HS6ST3: variants seen among roughly 807,000 people sequenced by gnomAD.
HS6ST3 encodes the protein heparan sulfate 6-O-sulfotransferase 3, also known as heparan-sulfate 6-O-sulfotransferase 3.
Under a neutral mutation model 36.7 loss-of-function variants are expected in HS6ST3, and 12 were observed. The observed-to-expected ratio is 0.33, with a 90% CI of 0.21 to 0.53. The LOEUF (loss-of-function observed/expected upper bound fraction) is 0.53, where lower values mean the gene tolerates loss of function less well. Ranked by LOEUF, HS6ST3 falls within the 20% of genes least tolerant of loss-of-function variation. HS6ST3 has a pLI of 0.95. For missense variants in HS6ST3, 584 were observed against 640.9 expected, an observed-to-expected ratio of 0.91 and a Z score of 0.96; for synonymous variants, 240 against 257.5, an observed-to-expected ratio of 0.93 and a Z score of 0.65.
At chr13:96,338,613 C>T (rs1330491767) in intron 1 of HS6ST3, among the ~76,000 whole-genome samples, 1 of 152,142 alleles carries the variant, frequency 6.6e-6, no homozygotes, top group Non-Finnish European at 1.5e-5. Flanking sequence ...CAGAGACTCC[C>T]GGTGCCTCGA....
At chr13:96,733,417 T>C (rs1354482870) in intron 1 of HS6ST3, among the ~76,000 whole-genome samples, 3 of 152,196 alleles carry the variant, frequency 2.0e-5, no homozygotes, top group Non-Finnish European at 4.4e-5. Flanking sequence ...CATTGTGCTA[T>C]TGTGCTGTAT....
At chr13:96,338,550 C>T (rs2055113560) in intron 1 of HS6ST3, among the ~76,000 whole-genome samples, 1 of 152,198 alleles carries the variant, frequency 6.6e-6, no homozygotes, top group African/African-American at 2.4e-5. Context: ...CTCAGTGCTT[C>T]TTTCAACAGA....
At chr13:96,501,249 G>A (rs1417899979) in intron 1 of HS6ST3, among the ~76,000 whole-genome samples, 6 of 152,136 alleles carry the variant, frequency 3.9e-5, no homozygotes, top group Non-Finnish European at 7.3e-5. Flanking sequence ...GACAGAAGGG[G>A]TGTCAATTCT....
intron 1 of HS6ST3, among the ~76,000 whole-genome samples, chr13:96,711,302 A>T (rs1566435807): frequency 6.6e-6 from 1 of 152,222 alleles, no homozygotes; most frequent in Non-Finnish European, 1.5e-5. Flanking sequence ...CAGCAGTCAT[A>T]GAACTATTTG....
intron 1 of HS6ST3, among the ~76,000 whole-genome samples, chr13:96,448,738 T>A (rs910398869): frequency 6.6e-6 from 1 of 152,008 alleles, no homozygotes; most frequent in African/African-American, 2.4e-5. Flanking sequence ...ACCTAATGTC[T>A]CTCTAACAAA....
intron 1 of HS6ST3, among the ~76,000 whole-genome samples, chr13:96,201,000 G>T (rs2054339232): frequency 6.6e-6 from 1 of 152,120 alleles, no homozygotes; most frequent in Non-Finnish European, 1.5e-5. Flanking sequence ...ATGGTATTCT[G>T]CCTGGTTATC....
intron 1 of HS6ST3, among the ~76,000 whole-genome samples, chr13:96,431,941 A>G (rs950723387): frequency 2.6e-5 from 4 of 152,168 alleles, no homozygotes; most frequent in Non-Finnish European, 4.4e-5. Flanking sequence ...GGTCAGCACT[A>G]AAGGTACATT....
At chr13:96,353,820 G>T (rs531484230) in intron 1 of HS6ST3, among the ~76,000 whole-genome samples, 20 of 152,122 alleles carry the variant, frequency 1.3e-4, no homozygotes, top group African/African-American at 4.8e-4. Flanking sequence ...ACATATAAAG[G>T]ATTTATAAAC....
intron 1 of HS6ST3, among the ~76,000 whole-genome samples, chr13:96,524,273 G>A (rs1444432991): frequency 2.0e-5 from 3 of 152,076 alleles, no homozygotes; most frequent in South Asian, 4.1e-4. Context: ...GTGTCTGTTG[G>A]CCCCAACTGG....
At chr13:96,116,109 A>C (rs2053892620) in intron 1 of HS6ST3, among the ~76,000 whole-genome samples, 1 of 152,204 alleles carries the variant, frequency 6.6e-6, no homozygotes, top group Non-Finnish European at 1.5e-5. Context: ...CTGGAAAACA[A>C]GACAATAGAA....
intron 1 of HS6ST3, among the ~76,000 whole-genome samples, chr13:96,181,945 G>T (rs1432738891): frequency 2.0e-5 from 3 of 152,130 alleles, no homozygotes; most frequent in African/African-American, 4.8e-5. Context: ...ATACCTTAGA[G>T]GTTTAGTAAT....
chr13:96,515,243 T>G (rs1380545066), intron 1 of HS6ST3, among the ~76,000 whole-genome samples: 2 of 152,234 alleles, frequency 1.3e-5, no homozygotes, highest in African/African-American at 4.8e-5. Flanking sequence ...GTGGGGTTCC[T>G]TGTTATTCCT....
intron 1 of HS6ST3, among the ~76,000 whole-genome samples, chr13:96,687,090 CTTT>C (rs68182332): frequency 0.97 from 145,062 of 148,934 alleles, 70,675 homozygotes; most frequent in Middle Eastern, 1. Flanking sequence ...GCAAGAAGTG[CTTT>C]TTTTTTTTTT....
intron 1 of HS6ST3, among the ~76,000 whole-genome samples, chr13:96,396,310 T>TTTTGTTTG (rs945133875): frequency 8.9e-6 from 1 of 112,078 alleles, no homozygotes; most frequent in Non-Finnish European, 1.9e-5. Flanking sequence ...GGAGACTCTG[T>TTTTGTTTG]TTTGTTTGTT....
At chr13:96,127,144 A>G (rs1383628996) in intron 1 of HS6ST3, among the ~76,000 whole-genome samples, 2 of 152,170 alleles carry the variant, frequency 1.3e-5, no homozygotes, top group Non-Finnish European at 2.9e-5. Context: ...AAACAATGTG[A>G]TAGTATTAGG....
chr13:96,442,488 G>T (rs1292193584), intron 1 of HS6ST3, among the ~76,000 whole-genome samples: 1 of 152,118 alleles, frequency 6.6e-6, no homozygotes, highest in Non-Finnish European at 1.5e-5. Flanking sequence ...CCAAGAATTC[G>T]ATGTCCTGGT....
intron 1 of HS6ST3, among the ~76,000 whole-genome samples, chr13:96,558,877 A>G (rs1355451677): frequency 6.6e-6 from 1 of 152,146 alleles, no homozygotes; most frequent in African/African-American, 2.4e-5. Flanking sequence ...GTAATCTCAC[A>G]CACAGATTGG....
chr13:96,759,712 T>C (rs1876920054), intron 1 of HS6ST3, among the ~76,000 whole-genome samples: 1 of 152,052 alleles, frequency 6.6e-6, no homozygotes. Flanking sequence ...TGTTTGGTAA[T>C]TTGTGGTTGT....
intron 1 of HS6ST3, among the ~76,000 whole-genome samples, chr13:96,742,566 G>A (rs915487353): frequency 6.6e-6 from 1 of 152,012 alleles, no homozygotes; most frequent in African/African-American, 2.4e-5. Flanking sequence ...ACCTGTTGCT[G>A]TAAAATTTCC....
Sources: allele counts gnomAD v4.1 joint callset (sites outside exome capture counted in the v4.1 genomes callset), GRCh38; gene constraint gnomAD v4.1.1; transcripts MANE v1.5; gene names NCBI Gene and HGNC (gene_info 2026-07-23, HGNC 2026-07-21).